IGF2BP3: variants seen among roughly 807,000 people sequenced by gnomAD.
The protein encoded by IGF2BP3 is insulin like growth factor 2 mRNA binding protein 3.
Under a neutral mutation model 73.8 loss-of-function variants are expected in IGF2BP3, and 9 were observed. That is an observed-to-expected ratio of 0.12 (90% confidence interval 0.07 to 0.21). The LOEUF (loss-of-function observed/expected upper bound fraction) is 0.21. Among genes scored for constraint, IGF2BP3 ranks in the 10% least tolerant of loss-of-function variants. IGF2BP3 has a pLI of 1.00. For missense variants in IGF2BP3, 542 were observed against 714.0 expected (o/e 0.76, Z 2.75); for synonymous variants, 258 against 256.7 (o/e 1.01, Z -0.05).
At chr7:23,437,186 T>C (rs1381826138) in intron 2 of IGF2BP3, among the ~76,000 whole-genome samples, 1 of 151,536 alleles carries the variant, frequency 6.6e-6, no homozygotes, top group African/African-American at 2.4e-5. Context: ...TTAATGTATA[T>C]TAATAAAATT....
intron 10 of IGF2BP3, among the ~76,000 whole-genome samples, chr7:23,326,915 T>G (rs1192996793): frequency 7.9e-5 from 8 of 100,970 alleles, no homozygotes; most frequent in Non-Finnish European, 1.1e-4. Flanking sequence ...TGGGGACTGT[T>G]GTGGGGTGGG....
chr7:23,356,358 G>C (rs1372785309), intron 5 of IGF2BP3, among the ~76,000 whole-genome samples: 1 of 151,618 alleles, frequency 6.6e-6, no homozygotes, highest in Admixed American at 6.6e-5. Flanking sequence ...CGCAGTTTGA[G>C]ATCAGCCTCG....
At chr7:23,346,542 A>G (rs187815272) in intron 7 of IGF2BP3, among the ~76,000 whole-genome samples, 31 of 152,142 alleles carry the variant, frequency 2.0e-4, no homozygotes, top group African/African-American at 7.5e-4. Flanking sequence ...ATATATATAT[A>G]AAACTGTTTA....
intron 3 of IGF2BP3, among the ~76,000 whole-genome samples, chr7:23,368,327 A>AAAAG (rs1263141071): frequency 6.4e-5 from 8 of 124,550 alleles, no homozygotes; most frequent in Non-Finnish European, 1.2e-4. Flanking sequence ...AGAGAGAAAG[A>AAAAG]AAAGAAAGAA....
intron 3 of IGF2BP3, among the ~76,000 whole-genome samples, chr7:23,379,733 C>T (rs1036161266): frequency 5.9e-5 from 9 of 152,194 alleles, no homozygotes; most frequent in African/African-American, 2.2e-4. Flanking sequence ...AACTGCTCCT[C>T]CCCATGTGCC....
At position 23,415,431 on chromosome 7, in the gene IGF2BP3, C is replaced by A. The variant is rs192240112; in HGVS notation, c.285+3345G>T. The A allele has an allele frequency of 1.7e-3, 320 of 193,396 alleles. 1 individual carries two copies. The highest frequency in any genetic ancestry group is 6.8e-3 in the Middle Eastern group (3 of 438). 12.0% of individuals were successfully genotyped at this position (193,396 alleles called of 1,614,324 possible). ...CATCCGCAGGTCCCCCTCCGTCAGCCGGCATCACCGCATCCGCAGGTCCCC... is the reference window on the plus strand; with the variant it reads ...CATCCGCAGGTCCCCCTCCGTCAGCAGGCATCACCGCATCCGCAGGTCCCC... On this transcript the variant is annotated intron_variant, in intron 3 of 14. Coordinates refer to ENST00000258729, the MANE Select transcript of IGF2BP3 (RefSeq NM_006547.3).
intron 3 of IGF2BP3, among the ~76,000 whole-genome samples, chr7:23,398,833 C>G (rs1004840940): frequency 6.6e-6 from 1 of 152,270 alleles, no homozygotes; most frequent in African/African-American, 2.4e-5. Context: ...GAGTAGGTTG[C>G]AAAAATTTTC....
intron 2 of IGF2BP3, among the ~76,000 whole-genome samples, chr7:23,436,162 G>A (rs1787804873): frequency 6.6e-6 from 1 of 152,190 alleles, no homozygotes; most frequent in South Asian, 2.1e-4. Context: ...CATAATGGAA[G>A]AAACTTATTT....
Position 23,320,077 on chromosome 7 carries a change from A to ATT in IGF2BP3, c.1204-825_1204-824dup, listed in dbSNP as rs554430509. 9.0e-3 allele frequency among the ~76,000 whole-genome samples: 1,286 copies of ATT among 142,554 alleles called. 26 individuals are homozygous for ATT. Among genetic ancestry groups the ATT allele is most frequent in the African/African-American group, 0.031 (1,198 of 39,048 alleles). 93.5% of individuals were successfully genotyped at this position (142,554 alleles called of 152,430 possible). ...AGGCACTTGTCACCACACCCGGCTA[A>ATT]TTTTTTTTTTTTTTTGTAGAGATAG... is the stretch of plus-strand genomic sequence containing the variant. On this transcript the variant is annotated intron_variant, in intron 10 of 14. Coordinates refer to ENST00000258729, the MANE Select transcript of IGF2BP3 (RefSeq NM_006547.3).
chr7:23,439,280 C>G (rs921950561), intron 2 of IGF2BP3, among the ~76,000 whole-genome samples: 8 of 151,780 alleles, frequency 5.3e-5, no homozygotes, highest in Non-Finnish European at 8.8e-5. Context: ...TGGCCGGGCA[C>G]GGTGGCTCAC....
At chr7:23,447,882 G>A (rs1788103011) in intron 2 of IGF2BP3, among the ~76,000 whole-genome samples, 1 of 152,164 alleles carries the variant, frequency 6.6e-6, no homozygotes, top group Admixed American at 6.5e-5. Context: ...TCAGGAGACT[G>A]AGGTGGGAGG....
chr7:23,320,191 C>A (rs987008004), intron 10 of IGF2BP3, among the ~76,000 whole-genome samples: 2 of 151,984 alleles, frequency 1.3e-5, no homozygotes, highest in Non-Finnish European at 1.5e-5. Context: ...GGATTACAGG[C>A]GTGAGCCACT....
At chr7:23,367,367 C>G (rs1028075967) in intron 3 of IGF2BP3, among the ~76,000 whole-genome samples, 1 of 151,854 alleles carries the variant, frequency 6.6e-6, no homozygotes, top group African/African-American at 2.4e-5. Flanking sequence ...GTTTTTGTCT[C>G]CTAGATTCTT....
At chr7:23,368,805 G>A (rs1259081493) in intron 3 of IGF2BP3, among the ~76,000 whole-genome samples, 2 of 151,836 alleles carry the variant, frequency 1.3e-5, no homozygotes, top group Admixed American at 6.6e-5. Flanking sequence ...GCTGAGGCAG[G>A]AGAATCACTT....
At chr7:23,389,673 A>G (rs541947285) in intron 3 of IGF2BP3, among the ~76,000 whole-genome samples, 1 of 152,180 alleles carries the variant, frequency 6.6e-6, no homozygotes, top group Non-Finnish European at 1.5e-5. Flanking sequence ...TGGAGAAAAG[A>G]AGCCATGAAT....
intron 3 of IGF2BP3, among the ~76,000 whole-genome samples, chr7:23,367,646 A>G (rs1785417981): frequency 1.3e-5 from 2 of 152,254 alleles, no homozygotes; most frequent in South Asian, 4.1e-4. Flanking sequence ...TCTTTCTAGA[A>G]TTCCCCCGTT....
At chr7:23,403,425 T>G (rs1583998189) in intron 3 of IGF2BP3, among the ~76,000 whole-genome samples, 1 of 152,236 alleles carries the variant, frequency 6.6e-6, no homozygotes, top group Admixed American at 6.5e-5. Flanking sequence ...GACATTACAT[T>G]GATTTTTAAA....
chr7:23,316,638 G>A (rs537755613), intron 12 of IGF2BP3, among the ~76,000 whole-genome samples: 2 of 141,824 alleles, frequency 1.4e-5, no homozygotes, highest in African/African-American at 2.7e-5. Flanking sequence ...TCACGCCACT[G>A]CAGTCCAGCC....
intron 3 of IGF2BP3, among the ~76,000 whole-genome samples, chr7:23,395,364 A>C (rs1044855658): frequency 1.3e-5 from 2 of 152,192 alleles, no homozygotes; most frequent in Non-Finnish European, 2.9e-5. Flanking sequence ...CACAGCTGGC[A>C]CCAAGATTTC....
Sources: allele counts gnomAD v4.1 joint callset (sites outside exome capture counted in the v4.1 genomes callset), GRCh38; gene constraint gnomAD v4.1.1; transcripts MANE v1.5; gene names NCBI Gene and HGNC (gene_info 2026-07-23, HGNC 2026-07-21).